Variants in PTGES3 observed in about 807,000 individuals in gnomAD.
PTGES3 encodes Hsp90 co-chaperone.
In PTGES3, 5 loss-of-function variants were observed where a neutral mutation model predicts 29.9. That is an observed-to-expected ratio of 0.17 (90% CI 0.09 to 0.35). The LOEUF is 0.35. Among genes scored for constraint, PTGES3 ranks in the 10% least tolerant of loss-of-function variants. The pLI, the probability that PTGES3 is intolerant of heterozygous loss-of-function variation, is 1.00. For synonymous variants in PTGES3, 49 were observed against 57.8 expected (o/e 0.85, Z 0.69); for missense variants, 128 against 190.0 (o/e 0.67, Z 1.92).
At chr12:56,673,177 A>G in intron 1 of PTGES3, 112 bp from the exon 2 acceptor site, 2 of 652,860 alleles carry the variant, frequency 3.1e-6, no homozygotes, top group Non-Finnish European at 5.1e-6. Context: ...TTACAATTTT[A>G]AACAAAAACT....
chr12:56,682,048 T>C (rs1952566535), intron 1 of PTGES3, among the ~76,000 whole-genome samples: 1 of 151,980 alleles, frequency 6.6e-6, no homozygotes, highest in African/African-American at 2.4e-5. Flanking sequence ...GGTTTCACCA[T>C]GTTGGCCAGG....
chr12:56,673,518 G>C (rs1952090915), intron 1 of PTGES3, among the ~76,000 whole-genome samples: 1 of 146,830 alleles, frequency 6.8e-6, no homozygotes, highest in Non-Finnish European at 1.5e-5. Context: ...AAAAAGCAGG[G>C]TACGGTGGCT....
chr12:56,667,205 C>A (rs1040649887), intron 5 of PTGES3, among the ~76,000 whole-genome samples: 9 of 152,326 alleles, frequency 5.9e-5, no homozygotes, highest in African/African-American at 1.9e-4. Context: ...CAGGAGCAAG[C>A]CACTGTGCCA....
intron 1 of PTGES3, among the ~76,000 whole-genome samples, chr12:56,678,691 G>A (rs1281909511): frequency 1.3e-5 from 2 of 152,060 alleles, no homozygotes; most frequent in Non-Finnish European, 2.9e-5. Flanking sequence ...GAACAAATAC[G>A]GTCTCTGTCC....
At chr12:56,669,247 T>C (rs976577887) in intron 5 of PTGES3, among the ~76,000 whole-genome samples, 1 of 151,946 alleles carries the variant, frequency 6.6e-6, no homozygotes, top group Non-Finnish European at 1.5e-5. Context: ...CAGACTGGAG[T>C]GCAATAGCGA....
intron 1 of PTGES3, among the ~76,000 whole-genome samples, chr12:56,684,967 A>T (rs1344257145): frequency 6.6e-6 from 1 of 152,152 alleles, no homozygotes; most frequent in South Asian, 2.1e-4. Flanking sequence ...CTTAAAAAAA[A>T]TTTATTAGCC....
At chr12:56,680,240 A>G (rs1222389016) in intron 1 of PTGES3, among the ~76,000 whole-genome samples, 2 of 151,520 alleles carry the variant, frequency 1.3e-5, no homozygotes, top group Non-Finnish European at 2.9e-5. Context: ...ACACCTAGCT[A>G]ATGTTTTCAC....
At chr12:56,687,373 C>G in intron 1 of PTGES3, 1 of 987,716 alleles carries the variant, frequency 1.0e-6, no homozygotes, top group Non-Finnish European at 1.2e-6. Flanking sequence ...GGCAACCTCC[C>G]GTGTTTTCAA....
intron 1 of PTGES3, among the ~76,000 whole-genome samples, chr12:56,676,892 G>A (rs1287686531): frequency 2.3e-5 from 3 of 132,682 alleles, no homozygotes; most frequent in Admixed American, 8.3e-5. Flanking sequence ...CTGCACTGCA[G>A]CCTGGGTGAG....
At chr12:56,686,196 C>T (rs1952838288) in intron 1 of PTGES3, among the ~76,000 whole-genome samples, 1 of 152,122 alleles carries the variant, frequency 6.6e-6, no homozygotes, top group Non-Finnish European at 1.5e-5. Flanking sequence ...TTTAAACATA[C>T]TTTTCGCGAA....
intron 1 of PTGES3, among the ~76,000 whole-genome samples, chr12:56,677,294 G>C (rs1182479313): frequency 6.6e-6 from 1 of 150,462 alleles, no homozygotes; most frequent in East Asian, 1.9e-4. Flanking sequence ...ACATTACCTT[G>C]AACAGCTTTC....
At chr12:56,673,668 C>CT (rs1276695983) in intron 1 of PTGES3, among the ~76,000 whole-genome samples, 4 of 151,398 alleles carry the variant, frequency 2.6e-5, no homozygotes, top group Non-Finnish European at 5.9e-5. Context: ...TGGCAGGCGC[C>CT]TGTAATCTCA....
chr12:56,681,122 CTT>C (rs1952517153), intron 1 of PTGES3, among the ~76,000 whole-genome samples: 1 of 152,042 alleles, frequency 6.6e-6, no homozygotes, highest in South Asian at 2.1e-4. Context: ...AGTTTTTGCT[CTT>C]GTTGTCCAGA....
intron 4 of PTGES3, 42 bp downstream of exon 4, chr12:56,671,707 A>C: frequency 7.7e-7 from 1 of 1,298,718 alleles, no homozygotes. Flanking sequence ...ATTACCTAAA[A>C]TAAAAATATC....
chr12:56,678,107 G>C (rs74240687), intron 1 of PTGES3, among the ~76,000 whole-genome samples: 1 of 8,616 alleles, frequency 1.2e-4, no homozygotes, highest in Non-Finnish European at 1.9e-4. Context: ...TGAACTCCAG[G>C]AACTACTTTT....
chr12:56,670,882 G>C (rs1239590128), intron 4 of PTGES3: 5 of 153,924 alleles, frequency 3.2e-5, no homozygotes, highest in Non-Finnish European at 7.2e-5. Context: ...GGAAAGACTA[G>C]TTGTGTAATC....
intron 1 of PTGES3, among the ~76,000 whole-genome samples, chr12:56,681,200 G>A (rs1253064271): frequency 1.3e-5 from 2 of 152,034 alleles, no homozygotes; most frequent in African/African-American, 4.8e-5. Context: ...TCCTATTTCG[G>A]ACAGCCCCTT....
rs1047680462 is a variant in PTGES3 at position 56,688,242 on chromosome 12, G to A, written c.-243C>T. ...GAAAGTGTAGGAAAAGGGGCGCGAG[G>A]ACGGAGAATGAACGTGCGTGCGTGC... On this transcript the variant is annotated 5_prime_UTR_variant, in exon 1 of 8. Coordinates refer to ENST00000262033, the MANE Select transcript of PTGES3 (RefSeq NM_006601.7). 1.6e-5 allele frequency: 10 copies of A among 636,590 alleles called. No homozygotes were observed. Among genetic ancestry groups the A allele is most frequent in the East Asian group, 1.4e-4 (4 of 28,814 alleles). 39.4% of individuals were successfully genotyped at this position (636,590 alleles called of 1,614,324 possible).
At chr12:56,664,882 C>T (rs1951730433) in intron 6 of PTGES3, 82 bp from the exon 7 acceptor site, 4 of 1,556,250 alleles carry the variant, frequency 2.6e-6, no homozygotes, top group African/African-American at 1.4e-5. Context: ...AGTTCAAGTG[C>T]TATATTTTTG....
Sources: allele counts gnomAD v4.1 joint callset (sites outside exome capture counted in the v4.1 genomes callset), GRCh38; gene constraint gnomAD v4.1.1; transcripts MANE v1.5; gene names NCBI Gene and HGNC (gene_info 2026-07-23, HGNC 2026-07-21).